Variants in SYT9 observed in about 807,000 individuals in gnomAD.
The protein encoded by SYT9 is synaptotagmin 9.
Under a neutral mutation model 48.4 loss-of-function variants are expected in SYT9, and 22 were observed. The ratio of observed to expected loss-of-function variants is 0.45; its 90% CI spans 0.32 to 0.65. SYT9 has a LOEUF of 0.65. SYT9 is among the 30% of genes least tolerant of loss of function. The pLI is 0.03. For synonymous variants in SYT9, 265 were observed against 245.0 expected (o/e 1.08, Z -0.76); for missense variants, 577 against 622.0 (o/e 0.93, Z 0.77).
intron 6 of SYT9, among the ~76,000 whole-genome samples, chr11:7,429,544 T>G (rs960204034): frequency 1.3e-5 from 2 of 152,224 alleles, no homozygotes; most frequent in Non-Finnish European, 2.9e-5. Context: ...ACGTATATAT[T>G]CCCTTGGTTG....
intron 3 of SYT9, among the ~76,000 whole-genome samples, chr11:7,373,426 G>A (rs917923786): frequency 3.3e-5 from 5 of 151,734 alleles, no homozygotes; most frequent in African/African-American, 1.2e-4. Context: ...TTCCTATATT[G>A]TTATACTGGC....
At chr11:7,249,955 C>T (rs982077668), upstream of SYT9, among the ~76,000 whole-genome samples, 1 of 152,170 alleles carries the variant, frequency 6.6e-6, no homozygotes, top group Non-Finnish European at 1.5e-5. Flanking sequence ...TCCCGTGATC[C>T]CTATGACTCC....
chr11:7,459,936 C>T (rs1232064178), intron 6 of SYT9, among the ~76,000 whole-genome samples: 1 of 152,162 alleles, frequency 6.6e-6, no homozygotes, highest in Non-Finnish European at 1.5e-5. Flanking sequence ...AGACTTCTAG[C>T]CTCTAGAACT....
intron 3 of SYT9, among the ~76,000 whole-genome samples, chr11:7,405,609 C>T (rs770336435): frequency 1.3e-5 from 2 of 152,082 alleles, no homozygotes; most frequent in Non-Finnish European, 2.9e-5. Context: ...TGCTCAAATA[C>T]CACAACCACA....
intron 2 of SYT9, among the ~76,000 whole-genome samples, chr11:7,306,674 C>A (rs1191174642): frequency 2.0e-5 from 3 of 152,178 alleles, no homozygotes; most frequent in Non-Finnish European, 4.4e-5. Flanking sequence ...ACTTCCCTTA[C>A]ACCCTAGCTG....
At chr11:7,396,708 C>G (rs1229157007) in intron 3 of SYT9, among the ~76,000 whole-genome samples, 1 of 152,150 alleles carries the variant, frequency 6.6e-6, no homozygotes, top group Non-Finnish European at 1.5e-5. Context: ...TGGTCAGTTC[C>G]TCCACATCCT....
chr11:7,342,754 T>A (rs1419626538), intron 3 of SYT9, among the ~76,000 whole-genome samples: 1 of 152,184 alleles, frequency 6.6e-6, no homozygotes, highest in Non-Finnish European at 1.5e-5. Flanking sequence ...GTGTGGGGGC[T>A]TCAACACCAC....
intron 3 of SYT9, among the ~76,000 whole-genome samples, chr11:7,321,737 C>A (rs1849342189): frequency 6.6e-6 from 1 of 152,258 alleles, no homozygotes; most frequent in East Asian, 1.9e-4. Context: ...CAGTTATACC[C>A]ACTTCCAATT....
intron 5 of SYT9, 22 bp from the exon 6 acceptor site, chr11:7,420,484 C>T (rs895228395): frequency 1.2e-6 from 2 of 1,612,170 alleles, no homozygotes; most frequent in Non-Finnish European, 8.5e-7. Context: ...TAAGAAAAAA[C>T]TATTGTGGGC....
In SYT9 at chr11:7,468,570, C is replaced by T; in HGVS notation, c.*1770C>T. The T allele has an allele frequency of 2.7e-6, 1 of 369,482 alleles. No homozygotes were observed. The highest frequency in any genetic ancestry group is 4.8e-6 in the Non-Finnish European group (1 of 208,226). 22.9% of individuals were successfully genotyped at this position (369,482 alleles called of 1,614,324 possible). A position where few individuals can be genotyped will look rare whatever the true frequency, so the allele number is the denominator to read the frequency against. Reference sequence around the variant, plus strand: ...AGCAAAACATGAAGGGCTAGCGCCACCAGGATAGTTAGCAGAAATATTGTC... The same window carrying T: ...AGCAAAACATGAAGGGCTAGCGCCATCAGGATAGTTAGCAGAAATATTGTC... On this transcript the variant is annotated 3_prime_UTR_variant, in exon 7 of 7. Coordinates refer to ENST00000318881, the MANE Select transcript of SYT9 (RefSeq NM_175733.4).
intron 1 of SYT9, among the ~76,000 whole-genome samples, chr11:7,288,991 T>C (rs956904064): frequency 2.0e-5 from 3 of 152,246 alleles, no homozygotes; most frequent in African/African-American, 7.2e-5. Flanking sequence ...TACAGGATGC[T>C]GATGGATGCC....
chr11:7,310,192 G>A (rs567906254), intron 2 of SYT9, among the ~76,000 whole-genome samples: 13 of 152,122 alleles, frequency 8.5e-5, no homozygotes, highest in African/African-American at 2.9e-4. Flanking sequence ...GGAGTGTAGT[G>A]GCGTGATCTC....
intron 3 of SYT9, among the ~76,000 whole-genome samples, chr11:7,340,653 T>C (rs1404997884): frequency 2.0e-5 from 3 of 152,200 alleles, no homozygotes; most frequent in Non-Finnish European, 4.4e-5. Flanking sequence ...GTAGGTGTTC[T>C]GTACTGGAGG....
chr11:7,246,457 C>T (rs1564834537), intron 1 of SYT9, among the ~76,000 whole-genome samples: 1 of 152,160 alleles, frequency 6.6e-6, no homozygotes, highest in African/African-American at 2.4e-5. Flanking sequence ...AATGAAAGAA[C>T]AAATAGTTGG....
chr11:7,247,140 G>T (rs1847801844), upstream of SYT9, among the ~76,000 whole-genome samples: 1 of 152,086 alleles, frequency 6.6e-6, no homozygotes, highest in South Asian at 2.1e-4. Flanking sequence ...GGAACAGGTG[G>T]TGTTTGGTTA....
chr11:7,298,372 G>T (rs1470985644), intron 1 of SYT9, among the ~76,000 whole-genome samples: 2 of 151,962 alleles, frequency 1.3e-5, no homozygotes, highest in Non-Finnish European at 1.5e-5. Flanking sequence ...TCTCACCCTT[G>T]GTTGCTGTTT....
chr11:7,317,271 A>G (rs11041313), intron 3 of SYT9, among the ~76,000 whole-genome samples: 43,828 of 152,044 alleles, frequency 0.29, 6,557 homozygotes, highest in Middle Eastern at 0.33. Context: ...TAGAATGGAA[A>G]TGTTTACATA....
At chr11:7,357,786 G>A (rs752324720) in intron 3 of SYT9, among the ~76,000 whole-genome samples, 2 of 151,898 alleles carry the variant, frequency 1.3e-5, no homozygotes, top group East Asian at 1.9e-4. Context: ...TTAGAATCAG[G>A]TTATCCAGCT....
intron 3 of SYT9, among the ~76,000 whole-genome samples, chr11:7,386,270 T>C (rs1850655855): frequency 6.6e-6 from 1 of 152,022 alleles, no homozygotes; most frequent in Non-Finnish European, 1.5e-5. Context: ...CCAAAAGAAA[T>C]GGCAACAAAA....
Sources: allele counts gnomAD v4.1 joint callset (sites outside exome capture counted in the v4.1 genomes callset), GRCh38; gene constraint gnomAD v4.1.1; transcripts MANE v1.5; gene names NCBI Gene and HGNC (gene_info 2026-07-23, HGNC 2026-07-21).